The following LMO7 variants were observed in gnomAD, a reference collection of about 807,000 sequenced individuals.
LMO7 encodes LIM domain only protein 7.
LMO7 carries 120 observed loss-of-function variants against 206.5 expected under a neutral mutation model. That is an observed-to-expected ratio of 0.58 (90% CI 0.50 to 0.68). The LOEUF (loss-of-function observed/expected upper bound fraction) is 0.68, where lower values mean the gene tolerates loss of function less well. Among genes scored for constraint, LMO7 ranks in the 30% least tolerant of loss-of-function variants. The probability of loss-of-function intolerance (pLI) is 0.00; values close to 1 mark genes in which losing one functional copy is unlikely to be tolerated. For synonymous variants in LMO7, 706 were observed against 681.5 expected (o/e 1.04, Z -0.56); for missense variants, 1,959 against 1,957.9 (o/e 1.00, Z -0.01).
intron 4 of LMO7, among the ~76,000 whole-genome samples, chr13:75,783,896 T>C (rs1458810526): frequency 6.6e-6 from 1 of 152,176 alleles, no homozygotes; most frequent in Non-Finnish European, 1.5e-5. Flanking sequence ...TTTTCTAGGT[T>C]ACAGTCTTTA....
rs1027514977 is a variant in LMO7, at chr13:75,828,403, G to A, written c.2949+4530G>A. On this transcript the variant is annotated intron_variant, in intron 15 of 30. Transcript: ENST00000377534. ...GTTTTTTGAAATATGACAGGCTCAC[G>A]TTTGAGGACTGCCTTATGTATAGTT... 9.8e-5 allele frequency among the ~76,000 whole-genome samples: 15 copies of A among 152,310 alleles called. 1 individual carries two copies. The highest frequency in any genetic ancestry group is 2.6e-4 in the Admixed American group (4 of 15,292).
intron 19 of LMO7, 23 bp from the exon 20 acceptor site, chr13:75,838,117 G>T: frequency 7.2e-7 from 1 of 1,387,398 alleles, no homozygotes; most frequent in Non-Finnish European, 1.0e-6. Context: ...GAATGACATA[G>T]TGTTTATTTT....
intron 1 of LMO7, among the ~76,000 whole-genome samples, chr13:75,647,951 C>CTTTCTTTTTTTTTTTTTTTT (rs1555286938): frequency 1.1e-5 from 1 of 91,128 alleles, no homozygotes; most frequent in Non-Finnish European, 2.0e-5. Context: ...TCTTTTCTTT[C>CTTTCTTTTTTTTTTTTTTTT]TTTTTTTTTT....
intron 25 of LMO7, among the ~76,000 whole-genome samples, chr13:75,843,932 T>C (rs1026081301): frequency 6.6e-6 from 1 of 152,186 alleles, no homozygotes; most frequent in Non-Finnish European, 1.5e-5. Context: ...CAGGTAGTAA[T>C]GGGCTGACAA....
intron 1 of LMO7, among the ~76,000 whole-genome samples, chr13:75,640,674 A>C (rs1189779862): frequency 1.3e-5 from 2 of 152,220 alleles, no homozygotes; most frequent in Non-Finnish European, 2.9e-5. Context: ...AGTGTTTGGC[A>C]TGGTGCCTGC....
At chr13:75,857,759 A>C in intron 30 of LMO7, 162 bp from the exon 31 acceptor site, 1 of 426,938 alleles carries the variant, frequency 2.3e-6, no homozygotes, top group Non-Finnish European at 4.2e-6. Flanking sequence ...TCCAGAGACG[A>C]GACACTGAGA....
At chr13:75,753,248 G>GGCCCA (rs1566389571) in intron 3 of LMO7, among the ~76,000 whole-genome samples, 1 of 151,910 alleles carries the variant, frequency 6.6e-6, no homozygotes, top group Non-Finnish European at 1.5e-5. Flanking sequence ...TCATATCCTT[G>GGCCCA]GCCCACTTTT....
chr13:75,769,522 A>C (rs574298714), intron 4 of LMO7, among the ~76,000 whole-genome samples: 18 of 152,246 alleles, frequency 1.2e-4, no homozygotes, highest in Non-Finnish European at 1.9e-4. Flanking sequence ...AGTAACTCAT[A>C]CTAACATTAT....
Position 75,807,819 on chromosome 13 carries a change from G to T in LMO7, c.1536G>T (p.Leu512Phe). The T allele has an allele frequency of 6.2e-7, 1 of 1,613,772 alleles. No homozygotes were observed. ...AAGGTGAACTTGTACTTCCGGATTTGGAAAAAGATGATATGATTGTTCGCC... is the reference window on the plus strand; with the variant it reads ...AAGGTGAACTTGTACTTCCGGATTTTGAAAAAGATGATATGATTGTTCGCC... ...CREGELVLPD[L>F]EKDDMIVRRI... is the part of the protein sequence containing the mutation. The change falls in exon 10 of 31, where the codon TTG (leucine) becomes TTT (phenylalanine). Residue 512 changes from leucine to phenylalanine, a missense_variant. Physicochemically the swap from Leu to Phe is conservative, Grantham distance 22. Transcript: ENST00000377534.
At chr13:75,637,582 G>A (rs1320488283) in intron 1 of LMO7, among the ~76,000 whole-genome samples, 1 of 152,170 alleles carries the variant, frequency 6.6e-6, no homozygotes, top group African/African-American at 2.4e-5. Flanking sequence ...TGAAAATTGA[G>A]GCGTGCACAA....
intron 1 of LMO7, among the ~76,000 whole-genome samples, chr13:75,644,824 G>T (rs150027017): frequency 6.6e-6 from 1 of 152,090 alleles, no homozygotes; most frequent in African/African-American, 2.4e-5. Flanking sequence ...TAGGGACAAG[G>T]TCTCGCTTTG....
Position 75,840,206 on chromosome 13 carries a change from G to A in LMO7, c.3477+96G>A, listed in dbSNP as rs1428684960. On this transcript the variant is annotated intron_variant, in intron 21 of 30. Coordinates refer to ENST00000377534, the MANE Select transcript of LMO7 (RefSeq NM_001306080.2). ...CTTACCATGATTTTAGGTTGCATAAGAATTTATCAGAGAGTTATCCTTCCA... is the reference window on the plus strand; with the variant it reads ...CTTACCATGATTTTAGGTTGCATAAAAATTTATCAGAGAGTTATCCTTCCA... The A allele has an allele frequency of 2.8e-6, 4 of 1,408,214 alleles. No homozygotes were observed. In the East Asian group the frequency reaches 9.2e-5, roughly 32 times the overall value. 87.2% of individuals were successfully genotyped at this position (1,408,214 alleles called of 1,614,324 possible).
chr13:75,770,680 T>G (rs1206633188), intron 4 of LMO7, among the ~76,000 whole-genome samples: 2 of 152,126 alleles, frequency 1.3e-5, no homozygotes, highest in African/African-American at 4.8e-5. Context: ...TATTATAGCC[T>G]CCAGAGTATC....
intron 2 of LMO7, among the ~76,000 whole-genome samples, chr13:75,629,763 T>C (rs1683771427): frequency 6.6e-6 from 1 of 152,196 alleles, no homozygotes; most frequent in South Asian, 2.1e-4. Flanking sequence ...TTCTGAAATC[T>C]AGCTGAGCGC....
chr13:75,818,186 C>A (rs1048513186), intron 12 of LMO7, among the ~76,000 whole-genome samples: 1 of 152,118 alleles, frequency 6.6e-6, no homozygotes, highest in Non-Finnish European at 1.5e-5. Flanking sequence ...GGTTAATTTT[C>A]TGGTGTGAAA....
chr13:75,653,880 T>C lies in LMO7; in HGVS notation c.69+17154T>C, dbSNP rs893056479. On this transcript the variant is annotated intron_variant, in intron 1 of 30. Coordinates refer to ENST00000377534, the MANE Select transcript of LMO7 (RefSeq NM_001306080.2). ...GTTTTTATATTTCTCAAATATAAAC[T>C]TAGGTAAGTTTGTACCTGAAAGCTA... 4.6e-5 allele frequency among the ~76,000 whole-genome samples: 7 copies of C among 152,348 alleles called. 1 individual carries two copies. The highest frequency in any genetic ancestry group is 6.5e-5 in the Admixed American group (1 of 15,310).
chr13:75,676,507 G>T (rs1019303115), intron 1 of LMO7, among the ~76,000 whole-genome samples: 1 of 152,158 alleles, frequency 6.6e-6, no homozygotes, highest in Non-Finnish European at 1.5e-5. Flanking sequence ...TAACACCGGG[G>T]TGGAGAGCAA....
Position 75,732,516 on chromosome 13 carries a change from A to T in LMO7, c.210+5418A>T, listed in dbSNP as rs532665025. Among the ~76,000 whole-genome samples the T allele has an allele frequency of 1.1e-4, 16 of 152,178 alleles. No homozygotes were observed. In the East Asian group the frequency reaches 3.1e-3, roughly 29 times the overall value. On this transcript the variant is annotated intron_variant, in intron 3 of 30. Coordinates refer to ENST00000377534, the MANE Select transcript of LMO7 (RefSeq NM_001306080.2). ...CTTCTCTGTATTGGTTATTCTAGTTATACATTCGTCTAAATTTTTTTCAAA... is the reference window on the plus strand; with the variant it reads ...CTTCTCTGTATTGGTTATTCTAGTTTTACATTCGTCTAAATTTTTTTCAAA...
intron 1 of LMO7, among the ~76,000 whole-genome samples, chr13:75,709,604 A>C (rs1180347271): frequency 6.6e-6 from 1 of 152,080 alleles, no homozygotes; most frequent in Non-Finnish European, 1.5e-5. Flanking sequence ...TTCTTTTGAG[A>C]AGTGTCTGTT....
Sources: allele counts gnomAD v4.1 joint callset (sites outside exome capture counted in the v4.1 genomes callset), GRCh38; gene constraint gnomAD v4.1.1; transcripts MANE v1.5; gene names NCBI Gene and HGNC (gene_info 2026-07-23, HGNC 2026-07-21).